PRPF6: variants seen among roughly 807,000 people sequenced by gnomAD.
PRPF6 encodes the protein pre-mRNA-processing factor 6.
A neutral mutation model predicts 118.3 loss-of-function variants in PRPF6; 42 were observed. The observed-to-expected ratio is 0.35, with a 90% CI of 0.28 to 0.46. PRPF6 has a LOEUF of 0.46. Ranked by LOEUF, PRPF6 falls within the 20% of genes least tolerant of loss-of-function variation. PRPF6 has a pLI of 1.00. For synonymous variants in PRPF6, 481 were observed against 485.1 expected (o/e 0.99, Z 0.11); for missense variants, 662 against 1,255.7 (o/e 0.53, Z 7.15).
At chr20:63,987,033 C>T (rs760225537) in intron 3 of PRPF6, among the ~76,000 whole-genome samples, 8 of 151,306 alleles carry the variant, frequency 5.3e-5, no homozygotes, top group Admixed American at 1.3e-4. Context: ...AGCCAGGCTT[C>T]GTGGCACACA....
At chr20:64,013,489 C>G (rs1039959489) in intron 11 of PRPF6, among the ~76,000 whole-genome samples, 1 of 151,946 alleles carries the variant, frequency 6.6e-6, no homozygotes, top group Non-Finnish European at 1.5e-5. Context: ...CCGTGTTGCT[C>G]AGGCCGGAGT....
chr20:63,987,156 C>T (rs1433031044), intron 3 of PRPF6, among the ~76,000 whole-genome samples: 10 of 110,850 alleles, frequency 9.0e-5, no homozygotes, highest in Non-Finnish European at 1.2e-4. Flanking sequence ...GGCCACAGAG[C>T]GAGACCCTGT....
At chr20:64,017,638 C>G (rs1297920173) in intron 12 of PRPF6, among the ~76,000 whole-genome samples, 1 of 152,142 alleles carries the variant, frequency 6.6e-6, no homozygotes, top group African/African-American at 2.4e-5. Context: ...CGCGCCCGGC[C>G]TCCCAGAGTG....
intron 2 of PRPF6, among the ~76,000 whole-genome samples, chr20:63,983,945 G>A (rs991072836): frequency 2.6e-5 from 4 of 152,104 alleles, no homozygotes; most frequent in African/African-American, 7.2e-5. Flanking sequence ...GAGCCACTGC[G>A]CCTGGCTGCC....
chr20:64,011,348 C>T lies in PRPF6; in HGVS notation c.1369C>T (p.Arg457Trp). The T allele has an allele frequency of 5.0e-6, 8 of 1,614,162 alleles. No individual in the cohort carries two copies. Among genetic ancestry groups the T allele is most frequent in the South Asian group, 1.1e-5 (1 of 91,082 alleles). ...TGCCCGCAAGGTCTTGAACAAGGCG[C>T]GGGAGAACATTCCTACAGACCGACA... ...ENARKVLNKA[R>W]ENIPTDRHIW... Residue 457 changes from arginine to tryptophan, a missense_variant, in exon 11 of 21, where the codon CGG becomes TGG. Arg to Trp is a moderately radical substitution (Grantham distance 101). Coordinates refer to ENST00000266079, the MANE Select transcript of PRPF6 (RefSeq NM_012469.4). The surrounding 1 kb of genome is among the most constrained non-coding windows in gnomAD (Gnocchi z 6.7).
intron 11 of PRPF6, among the ~76,000 whole-genome samples, chr20:64,013,045 A>G (rs1279356799): frequency 6.6e-6 from 1 of 150,638 alleles, no homozygotes; most frequent in Non-Finnish European, 1.5e-5. Context: ...GCTTACTGCA[A>G]CCTCCACCTC....
intron 8 of PRPF6, among the ~76,000 whole-genome samples, chr20:64,000,818 C>T (rs938870929): frequency 2.6e-5 from 4 of 152,114 alleles, no homozygotes; most frequent in Admixed American, 2.0e-4. Context: ...CCACCTGCCT[C>T]GGCCTCCCAA....
At chr20:64,025,801 G>A in intron 14 of PRPF6, 138 bp from the exon 15 acceptor site, 1 of 1,498,766 alleles carries the variant, frequency 6.7e-7, no homozygotes, top group Admixed American at 1.7e-5. Flanking sequence ...CTCCTCCCTG[G>A]GAAGGGCTTG....
chr20:63,995,564 C>T, intron 6 of PRPF6, 82 bp downstream of exon 6: 2 of 1,522,526 alleles, frequency 1.3e-6, no homozygotes, highest in Non-Finnish European at 9.0e-7. Flanking sequence ...CCTTCTTCTT[C>T]TTCTCCTTTT....
At chr20:64,032,770 G>A in intron 20 of PRPF6, 71 bp from the exon 21 acceptor site, 1 of 1,542,812 alleles carries the variant, frequency 6.5e-7, no homozygotes, top group Non-Finnish European at 8.7e-7. Flanking sequence ...CAGGGGCCAG[G>A]CGAGAAGCAG....
intron 11 of PRPF6, 53 bp from the exon 12 acceptor site, chr20:64,016,670 A>G: frequency 6.2e-7 from 1 of 1,609,704 alleles, no homozygotes; most frequent in Non-Finnish European, 8.5e-7. Context: ...CCCGTTGGGA[A>G]TCTGCAGCTC....
chr20:63,981,459 G>A, intron 1 of PRPF6, 143 bp downstream of exon 1: 2 of 795,228 alleles, frequency 2.5e-6, no homozygotes, highest in Non-Finnish European at 2.0e-6. Context: ...GGAAGCAACG[G>A]GCTTTGGGGT....
In PRPF6 at chr20:64,024,540, C is replaced by T. The variant is rs781440011; in HGVS notation, c.1770-15C>T. ...ATGGCCCTGCCTCTGGTGACCGTGG[C>T]CTCTTATCTTGCAGGGAGTCCCTGG... is the stretch of plus-strand genomic sequence containing the variant. On this transcript the variant is annotated splice_polypyrimidine_tract_variant and intron_variant, in intron 13 of 20. Transcript: ENST00000266079. 4 of 1,613,120 alleles carry T rather than the reference C, an allele frequency of 2.5e-6. No homozygotes were observed. Among genetic ancestry groups the T allele is most frequent in the Admixed American group, 1.7e-5 (1 of 60,006 alleles).
At chr20:63,984,876 C>A in intron 2 of PRPF6, 31 bp from the exon 3 acceptor site, 1 of 1,490,880 alleles carries the variant, frequency 6.7e-7, no homozygotes, top group Non-Finnish European at 9.3e-7. Context: ...GAAGGAAAAG[C>A]TGACCTCTAC....
intron 4 of PRPF6, 138 bp downstream of exon 4, chr20:63,993,623 T>C (rs556072311): frequency 1.4e-6 from 1 of 735,988 alleles, no homozygotes; most frequent in African/African-American, 1.8e-5. Context: ...AAGAAGAAAG[T>C]GTTTGCTTCA....
intron 12 of PRPF6, among the ~76,000 whole-genome samples, chr20:64,017,634 C>T (rs1282171125): frequency 2.0e-5 from 3 of 151,734 alleles, no homozygotes; most frequent in African/African-American, 4.8e-5. Flanking sequence ...CCGCCGCGCC[C>T]GGCCTCCCAG....
At chr20:64,009,196 G>A (rs932830120) in intron 9 of PRPF6, among the ~76,000 whole-genome samples, 3 of 146,276 alleles carry the variant, frequency 2.1e-5, no homozygotes, top group South Asian at 4.3e-4. Context: ...CAGGAGAATC[G>A]CTTGAACCCG....
rs1293508617 is a variant in PRPF6 at position 64,027,596 on chromosome 20, G to A, written c.2206-7G>A. 11 of 1,613,944 alleles carry A rather than the reference G, an allele frequency of 6.8e-6. No homozygotes were observed. Among genetic ancestry groups the A allele is most frequent in the Non-Finnish European group, 9.3e-6 (11 of 1,180,038 alleles). ...ACCTGAGCTGCTCTCTTACTTGTTG[G>A]TTGCAGTTGAAGAAGTGTCCCCACT... On this transcript the variant is annotated splice_polypyrimidine_tract_variant and splice_region_variant and intron_variant, in intron 16 of 20. Transcript: ENST00000266079. The surrounding 1 kb of genome is among the most constrained non-coding windows in gnomAD (Gnocchi z 6.5).
At chr20:63,982,080 A>C (rs990181064) in intron 1 of PRPF6, among the ~76,000 whole-genome samples, 2 of 152,170 alleles carry the variant, frequency 1.3e-5, no homozygotes, top group African/African-American at 4.8e-5. Flanking sequence ...ATGTACAGCG[A>C]ATAGAATAGA....
Sources: gnomAD v4.1 joint callset for allele counts (sites outside exome capture counted in the v4.1 genomes callset) on GRCh38, gnomAD v4.1.1 for gene constraint, Gnocchi (gnomAD v3.1) non-coding constraint, MANE v1.5 for transcripts, NCBI Gene and HGNC (gene_info 2026-07-23, HGNC 2026-07-21) for gene names.